TEX9: variants seen among roughly 807,000 people sequenced by gnomAD.
TEX9 encodes testis expressed 9, also known as testis-expressed protein 9.
TEX9 carries 74 observed loss-of-function variants against 59.6 expected under a neutral mutation model. That is an observed-to-expected ratio of 1.24 (90% CI 1.03 to 1.51). The LOEUF (loss-of-function observed/expected upper bound fraction) is 1.51, where lower values mean the gene tolerates loss of function less well. TEX9 is among the 40% of genes most tolerant of loss of function. The pLI is 0.00. For synonymous variants in TEX9, 186 were observed against 152.2 expected (o/e 1.22, Z -1.64); for missense variants, 522 against 447.8 (o/e 1.17, Z -1.49).
At chr15:56,280,348 C>G (rs1851031) in intron 1 of TEX9, among the ~76,000 whole-genome samples, 34,038 of 152,060 alleles carry the variant, frequency 0.22, 4,194 homozygotes, top group East Asian at 0.37. Context: ...AAGGATATTA[C>G]TGATTTTAGT....
At chr15:56,338,633 T>C (rs1157645441) in intron 1 of TEX9, among the ~76,000 whole-genome samples, 5 of 152,132 alleles carry the variant, frequency 3.3e-5, no homozygotes, top group African/African-American at 4.8e-5. Flanking sequence ...GTTAAAAATG[T>C]TGGCTGGGCG....
At chr15:56,329,072 C>T (rs1429222218) in intron 1 of TEX9, among the ~76,000 whole-genome samples, 1 of 152,172 alleles carries the variant, frequency 6.6e-6, no homozygotes, top group African/African-American at 2.4e-5. Flanking sequence ...CTCCACACAG[C>T]TCAGCACAGA....
intron 12 of TEX9, chr15:56,428,881 G>T (rs944122983): frequency 2.0e-5 from 10 of 493,280 alleles, no homozygotes; most frequent in Non-Finnish European, 3.5e-5. Context: ...GCTCTGTAGT[G>T]TTGTAGAAAT....
At chr15:56,276,209 T>C (rs760723357) in intron 1 of TEX9, among the ~76,000 whole-genome samples, 5 of 152,170 alleles carry the variant, frequency 3.3e-5, no homozygotes, top group Admixed American at 6.5e-5. Context: ...ATGTGCTGAA[T>C]GTGCAGGTTT....
At chr15:56,390,199 G>A (rs1183476411) in intron 6 of TEX9, among the ~76,000 whole-genome samples, 7 of 151,588 alleles carry the variant, frequency 4.6e-5, no homozygotes. Flanking sequence ...ATATATAACT[G>A]GAAAGGGTTA....
At chr15:56,247,488 G>C (rs1382918996) in intron 1 of TEX9, among the ~76,000 whole-genome samples, 3 of 152,158 alleles carry the variant, frequency 2.0e-5, no homozygotes, top group African/African-American at 7.2e-5. Flanking sequence ...ACAGAGGGAA[G>C]ATGATTTCAG....
intron 10 of TEX9, 68 bp from the exon 11 acceptor site, chr15:56,427,537 A>ATAGTC: frequency 1.2e-5 from 13 of 1,083,674 alleles, no homozygotes; most frequent in Non-Finnish European, 1.7e-5. Flanking sequence ...TGTTGTGATG[A>ATAGTC]TAGTCTATAA....
intron 1 of TEX9, among the ~76,000 whole-genome samples, chr15:56,347,872 A>G (rs1223722077): frequency 6.6e-6 from 1 of 152,132 alleles, no homozygotes; most frequent in Non-Finnish European, 1.5e-5. Context: ...CTTTTTATAA[A>G]GGATTAGTAT....
At chr15:56,318,979 A>G (rs2045841653) in intron 1 of TEX9, among the ~76,000 whole-genome samples, 1 of 152,140 alleles carries the variant, frequency 6.6e-6, no homozygotes, top group African/African-American at 2.4e-5. Flanking sequence ...GCCCACATCC[A>G]TACTGTATTA....
chr15:56,261,888 G>A (rs1187273223), intron 1 of TEX9, among the ~76,000 whole-genome samples: 2 of 152,186 alleles, frequency 1.3e-5, no homozygotes, highest in African/African-American at 4.8e-5. Flanking sequence ...TCAACACCCT[G>A]TTGTAGAGGG....
At chr15:56,448,526 G>A (rs1271178088), downstream of TEX9, among the ~76,000 whole-genome samples, 2 of 152,054 alleles carry the variant, frequency 1.3e-5, no homozygotes, top group Non-Finnish European at 2.9e-5. Context: ...TTAGGATAAC[G>A]GCCTCCAGCT....
At chr15:56,449,647 G>A (rs1286902201), downstream of TEX9, among the ~76,000 whole-genome samples, 1 of 152,150 alleles carries the variant, frequency 6.6e-6, no homozygotes, top group African/African-American at 2.4e-5. Flanking sequence ...TAAGATTGGT[G>A]TTACTTTGTC....
At chr15:56,342,295 T>G (rs2046386619) in intron 1 of TEX9, among the ~76,000 whole-genome samples, 1 of 152,128 alleles carries the variant, frequency 6.6e-6, no homozygotes. Context: ...TTTTTCAGAT[T>G]AGGAAGCTAA....
chr15:56,348,994 C>T (rs1300229871), intron 1 of TEX9, among the ~76,000 whole-genome samples: 1 of 151,832 alleles, frequency 6.6e-6, no homozygotes, highest in Non-Finnish European at 1.5e-5. Context: ...CTAACCATTT[C>T]CTTGTCACCC....
At chr15:56,417,461 T>C (rs2049751994) in intron 10 of TEX9, among the ~76,000 whole-genome samples, 1 of 151,874 alleles carries the variant, frequency 6.6e-6, no homozygotes, top group Non-Finnish European at 1.5e-5. Flanking sequence ...CCAAAGTCAT[T>C]GAGGAGCGTG....
chr15:56,389,405 A>G lies in TEX9; in HGVS notation c.395+5A>G, dbSNP rs1398910855. 7.6e-6 allele frequency: 12 copies of G among 1,584,030 alleles called. No homozygotes were observed. Among genetic ancestry groups the G allele is most frequent in the Admixed American group, 3.4e-5 (2 of 58,134 alleles). ...AGGAAGGAAAACAAATTCAAGGTAT[A>G]GTATAGTTTTCAAAGTATTTCTTTT... is the stretch of plus-strand genomic sequence containing the variant. On this transcript the variant is annotated splice_donor_5th_base_variant and intron_variant, in intron 6 of 12. Coordinates refer to ENST00000352903, the Ensembl canonical transcript of TEX9.
chr15:56,280,643 A>G (rs2044793323), intron 1 of TEX9, among the ~76,000 whole-genome samples: 1 of 152,242 alleles, frequency 6.6e-6, no homozygotes, highest in African/African-American at 2.4e-5. Context: ...AAAAAGGAAA[A>G]GAACGTAACT....
At chr15:56,254,347 G>C (rs1310052004) in intron 1 of TEX9, among the ~76,000 whole-genome samples, 9 of 151,940 alleles carry the variant, frequency 5.9e-5, no homozygotes, top group African/African-American at 2.2e-4. Context: ...CTAGGGTAAT[G>C]GCCAGAGTGA....
chr15:56,400,867 A>G (rs545613201), intron 9 of TEX9, among the ~76,000 whole-genome samples: 1 of 152,328 alleles, frequency 6.6e-6, no homozygotes, highest in Non-Finnish European at 1.5e-5. Context: ...AGAATTTCAT[A>G]TCTAGCCAAA....
Sources: allele counts gnomAD v4.1 joint callset (sites outside exome capture counted in the v4.1 genomes callset), GRCh38; gene constraint gnomAD v4.1.1; transcripts MANE v1.5; gene names NCBI Gene and HGNC (gene_info 2026-07-23, HGNC 2026-07-21).